The following CAD variants were observed in gnomAD, a reference collection of about 807,000 sequenced individuals.
The protein encoded by CAD is carbamoyl-phosphate synthetase 2, aspartate transcarbamylase, and dihydroorotase, also known as multifunctional protein CAD.
In CAD, 81 loss-of-function variants were observed where a neutral mutation model predicts 237.2. The observed-to-expected ratio is 0.34, with a 90% CI of 0.29 to 0.41. The LOEUF is 0.41. Among genes scored for constraint, CAD ranks in the 10% least tolerant of loss-of-function variants. CAD has a pLI of 1.00. For missense variants in CAD, 2,181 were observed against 2,951.7 expected, an observed-to-expected ratio of 0.74 and a Z score of 6.05; for synonymous variants, 1,196 against 1,162.8, an observed-to-expected ratio of 1.03 and a Z score of -0.58.
At chr2:27,231,610 C>A in intron 16 of CAD, 30 bp downstream of exon 16, 1 of 1,340,468 alleles carries the variant, frequency 7.5e-7, no homozygotes, top group Non-Finnish European at 1.1e-6. Flanking sequence ...TGGCAATACC[C>A]CTAAAATAGA....
In CAD at chr2:27,236,974, T is replaced by A; in HGVS notation, c.4396+144T>A. ...AGACCCCAGAATGTTTCTCACTCTT[T>A]CATTCCTTAATCCACAGTGTCCACA... On this transcript the variant is annotated intron_variant, in intron 27 of 43. Coordinates refer to ENST00000264705, the MANE Select transcript of CAD (RefSeq NM_004341.5). The surrounding 1 kb of genome is among the most constrained non-coding windows in gnomAD (Gnocchi z 4.1). 1 of 723,776 alleles carries A rather than the reference T, an allele frequency of 1.4e-6. No homozygotes were observed. The highest frequency in any genetic ancestry group is 1.6e-5 in the South Asian group (1 of 63,614). The allele number at this position is 723,776 out of a possible 1,614,324, so 44.8% of individuals were successfully genotyped here.
In CAD at chr2:27,218,153, A is replaced by G. The variant is rs879234899; in HGVS notation, c.222+137A>G. 1.8e-5 allele frequency: 13 copies of G among 711,246 alleles called. No individual in the cohort carries two copies. The South Asian group carries it at 2.9e-4, about 16-fold the overall frequency. The allele number at this position is 711,246 out of a possible 1,614,324, so 44.1% of individuals were successfully genotyped here. On this transcript the variant is annotated intron_variant, in intron 2 of 43. Transcript: ENST00000264705. Reference sequence around the variant, plus strand: ...ACTGAAGTAGTAAAGTCAAGGACTAAGATCACTAGTAACTGTAGTTAGGGG... The same window carrying G: ...ACTGAAGTAGTAAAGTCAAGGACTAGGATCACTAGTAACTGTAGTTAGGGG...
Position 27,232,919 on chromosome 2 carries a change from C to G in CAD, c.2893-123C>G. On this transcript the variant is annotated intron_variant, in intron 18 of 43. Coordinates refer to ENST00000264705, the MANE Select transcript of CAD (RefSeq NM_004341.5). The surrounding 1 kb of genome is among the most constrained non-coding windows in gnomAD (Gnocchi z 4.1). ...CTCCCAAGGCAGGGGTCCTGTACAG[C>G]TCTTTCAGAGGAAGCTGTGCTGGCA... 2 of 818,348 alleles carry G rather than the reference C, an allele frequency of 2.4e-6. No homozygotes were observed. Among genetic ancestry groups the G allele is most frequent in the Non-Finnish European group, 4.1e-6 (2 of 484,794 alleles). The allele number at this position is 818,348 out of a possible 1,614,324, so 50.7% of individuals were successfully genotyped here.
intron 2 of CAD, among the ~76,000 whole-genome samples, chr2:27,220,376 G>A (rs1382420113): frequency 2.0e-5 from 3 of 152,082 alleles, no homozygotes; most frequent in African/African-American, 4.8e-5. Context: ...GGCGGGGCGC[G>A]GTAGCTCATG....
rs560106333 is a variant in CAD, at chr2:27,238,746, C to T, written c.5062+114C>T. The T allele has an allele frequency of 2.8e-4, 268 of 974,014 alleles. No homozygotes were observed. The African/African-American group carries it at 3.8e-3, about 14-fold the overall frequency. 60.3% of individuals were successfully genotyped at this position (974,014 alleles called of 1,614,324 possible). ...ACTCTACTAGGACAGGGTCTTGATC[C>T]GTATGGGACCCTAGCCTCTAGGGTA... On this transcript the variant is annotated intron_variant, in intron 31 of 43. Transcript: ENST00000264705.
chr2:27,233,799 G>A lies in CAD; in HGVS notation c.3390G>A (p.Gln1130=), dbSNP rs1413289038. The part of the protein sequence containing the change: ...EHPVVISKFI[Q]EAKEIDVDAV... ...CCGTGGTCATCTCCAAGTTCATCCA[G>A]GAGGCTAAGGTGGGAGGCTGCAGAC... The change falls in exon 21 of 44, where the codon CAG becomes CAA. Residue 1130 remains glutamine (Q), a synonymous_variant. Transcript: ENST00000264705. The surrounding 1 kb of genome is among the most constrained non-coding windows in gnomAD (Gnocchi z 6.3). The A allele has an allele frequency of 6.2e-7, 1 of 1,613,720 alleles. No individual in the cohort carries two copies. The highest frequency in any genetic ancestry group is 8.5e-7 in the Non-Finnish European group (1 of 1,180,030).
At chr2:27,231,659 C>G in intron 16 of CAD, 79 bp downstream of exon 16, 1 of 857,384 alleles carries the variant, frequency 1.2e-6, no homozygotes, top group Admixed American at 2.2e-5. Flanking sequence ...AGCTTGTTAC[C>G]AGTAACACTA....
rs775392905 is a variant in CAD, at chr2:27,232,110, T to A, written c.2531T>A (p.Ile844Asn). The change falls in exon 17 of 44, where the codon ATC (isoleucine) becomes AAC (asparagine). Residue 844 changes from isoleucine to asparagine, a missense_variant. This residue lies in a region of CAD where 385 missense variants were observed against 535.1 expected (regional missense o/e 0.72). Transcript: ENST00000264705. This position sits in a 1 kb window ranked among gnomAD's most constrained non-coding sequence, Gnocchi z 4.1. ...RWFLHRMKRI[I>N]AHAQLLEQHR... is the part of the protein sequence containing the mutation. ...TTCCTGCACCGAATGAAGCGTATCA[T>A]CGCACATGCCCAGCTGCTAGAACAA... The A allele has an allele frequency of 1.2e-6, 2 of 1,614,118 alleles. No individual in the cohort carries two copies. Among genetic ancestry groups the A allele is most frequent in the Admixed American group, 3.3e-5 (2 of 60,004 alleles).
Position 27,234,653 on chromosome 2 carries a change from C to T in CAD, c.3754C>T (p.Leu1252=). The T allele has an allele frequency of 6.2e-7, 1 of 1,614,094 alleles. No homozygotes were observed. Among genetic ancestry groups the T allele is most frequent in the Non-Finnish European group, 8.5e-7 (1 of 1,179,994 alleles). Residue 1252 remains leucine, a synonymous_variant, in exon 23 of 44, where the codon CTA becomes TTA. Transcript: ENST00000264705. Reference sequence around the variant, plus strand: ...GGGGGAAGAAGTGGAACCTGTGGGGCTAATGACTGGTTCTGGAGTCGTGGG... The same window carrying T: ...GGGGGAAGAAGTGGAACCTGTGGGGTTAATGACTGGTTCTGGAGTCGTGGG... ...IMGEEVEPVG[L]MTGSGVVGVK... is the part of the protein sequence containing the mutation.
rs1272672098 is a variant in CAD at position 27,241,197 on chromosome 2, C to T, written c.5778C>T (p.Ile1926=). The change falls in exon 37 of 44, where the codon ATC becomes ATT. Residue 1926 remains isoleucine (I), a synonymous_variant. Transcript: ENST00000264705. This position sits in a 1 kb window ranked among gnomAD's most constrained non-coding sequence, Gnocchi z 4.6. ...PLLHSLVGQH[I]LSVQQFTKDQ... ...TGCACTCATTAGTGGGCCAACATATCCTGTCCGTCCAGCAGTTCACCAAGG... is the reference window on the plus strand; with the variant it reads ...TGCACTCATTAGTGGGCCAACATATTCTGTCCGTCCAGCAGTTCACCAAGG... The T allele has an allele frequency of 6.2e-7, 1 of 1,612,618 alleles. No individual in the cohort carries two copies. The highest frequency in any genetic ancestry group is 1.3e-5 in the African/African-American group (1 of 74,880).
chr2:27,230,290 A>T (rs1376621081), intron 15 of CAD, among the ~76,000 whole-genome samples: 1 of 152,164 alleles, frequency 6.6e-6, no homozygotes, highest in Non-Finnish European at 1.5e-5. Flanking sequence ...GGGAAAATGT[A>T]TGATGAGGAA....
Position 27,242,453 on chromosome 2 carries a change from C to T in CAD, c.6222+26C>T. ...GTGAGGGTGGTGGCAGGGTTTGGAT[C>T]CCTGCCAGGGGACGATCTAGAGAGG... On this transcript the variant is annotated intron_variant, in intron 40 of 43. Coordinates refer to ENST00000264705, the MANE Select transcript of CAD (RefSeq NM_004341.5). The surrounding 1 kb of genome is among the most constrained non-coding windows in gnomAD (Gnocchi z 6.4). The T allele has an allele frequency of 6.2e-7, 1 of 1,607,950 alleles. No homozygotes were observed. Among genetic ancestry groups the T allele is most frequent in the Non-Finnish European group, 8.5e-7 (1 of 1,175,996 alleles).
intron 3 of CAD, 57 bp from the exon 4 acceptor site, chr2:27,222,137 C>A: frequency 6.4e-7 from 1 of 1,556,088 alleles, no homozygotes. Flanking sequence ...GGAAGTCTAA[C>A]CTCACAGATG....
intron 8 of CAD, 36 bp downstream of exon 8, chr2:27,224,065 G>A: frequency 6.8e-7 from 1 of 1,460,822 alleles, no homozygotes; most frequent in Non-Finnish European, 9.6e-7. Flanking sequence ...GTGGACCTAA[G>A]AACAGGGTTG....
chr2:27,242,583 G>A lies in CAD; in HGVS notation c.6223-37G>A. 1.3e-6 allele frequency: 2 copies of A among 1,571,462 alleles called. No individual in the cohort carries two copies. Among genetic ancestry groups the A allele is most frequent in the Non-Finnish European group, 1.7e-6 (2 of 1,154,700 alleles). ...TGGAAATGATGTCGGGGGGCACTCA[G>A]TCTGGGATCCCTGTGGTGACTGGAT... On this transcript the variant is annotated intron_variant, in intron 40 of 43. Coordinates refer to ENST00000264705, the MANE Select transcript of CAD (RefSeq NM_004341.5). The surrounding 1 kb of genome is among the most constrained non-coding windows in gnomAD (Gnocchi z 6.4).
intron 12 of CAD, 75 bp from the exon 13 acceptor site, chr2:27,226,056 C>T (rs1018813863): frequency 6.7e-6 from 10 of 1,503,116 alleles, no homozygotes; most frequent in Middle Eastern, 1.9e-4. Flanking sequence ...CCAGAGGTAA[C>T]AGGACCCTGG....
Position 27,237,890 on chromosome 2 carries a change from G to A in CAD, c.4728+8G>A, listed in dbSNP as rs1676099867. On this transcript the variant is annotated splice_region_variant and intron_variant, in intron 29 of 43. Transcript: ENST00000264705. The surrounding 1 kb of genome is among the most constrained non-coding windows in gnomAD (Gnocchi z 4.0). ...GTGGTCCAGTGGATGGAGGTAGGGA[G>A]TGTGCATGTGGCAGGAGGCCACCAC... is the stretch of plus-strand genomic sequence containing the variant. 1.3e-6 allele frequency: 2 copies of A among 1,598,910 alleles called. No individual in the cohort carries two copies. The highest frequency in any genetic ancestry group is 1.7e-4 in the Middle Eastern group (1 of 5,990).
chr2:27,228,598 T>C (rs1675558106), intron 15 of CAD, among the ~76,000 whole-genome samples: 1 of 142,544 alleles, frequency 7.0e-6, no homozygotes, highest in Non-Finnish European at 1.5e-5. Context: ...TTTTTGTTTG[T>C]TTGTTTGTTT....
chr2:27,234,509 C>T lies in CAD; in HGVS notation c.3619-9C>T, dbSNP rs1249826622. 6.2e-7 allele frequency: 1 copy of T among 1,613,106 alleles called. No individual in the cohort carries two copies. The highest frequency in any genetic ancestry group is 8.5e-7 in the Non-Finnish European group (1 of 1,179,416). On this transcript the variant is annotated splice_polypyrimidine_tract_variant and intron_variant, in intron 22 of 43. Coordinates refer to ENST00000264705, the MANE Select transcript of CAD (RefSeq NM_004341.5). Reference sequence around the variant, plus strand: ...CTGCAGAAGGCCTGACCAGTCTTCTCTGCCCCAGGATGACCAGCTGAAAGT... The same window carrying T: ...CTGCAGAAGGCCTGACCAGTCTTCTTTGCCCCAGGATGACCAGCTGAAAGT...
Sources: allele counts gnomAD v4.1 joint callset (sites outside exome capture counted in the v4.1 genomes callset), GRCh38; gene constraint gnomAD v4.1.1; regional missense constraint gnomAD v4.1.1; non-coding constraint Gnocchi (gnomAD v3.1); transcripts MANE v1.5; gene names NCBI Gene and HGNC (gene_info 2026-07-23, HGNC 2026-07-21).